DCHS2: variants seen among roughly 807,000 people sequenced by gnomAD.
DCHS2 encodes dachsous cadherin-related 2.
Under a neutral mutation model 182.4 loss-of-function variants are expected in DCHS2, and 142 were observed. The observed-to-expected ratio is 0.78, with a 90% CI of 0.68 to 0.89. The LOEUF (loss-of-function observed/expected upper bound fraction) is 0.89. Among genes scored for constraint, DCHS2 ranks in the 40% least tolerant of loss-of-function variants. The pLI, the probability that DCHS2 is intolerant of heterozygous loss-of-function variation, is 0.00. For synonymous variants in DCHS2, 1,740 were observed against 1,663.3 expected (o/e 1.05, Z -1.12); for missense variants, 4,319 against 4,198.6 (o/e 1.03, Z -0.79).
chr4:154,283,095 T>C (rs1021042999), intron 13 of DCHS2, among the ~76,000 whole-genome samples: 1 of 152,146 alleles, frequency 6.6e-6, no homozygotes, highest in African/African-American at 2.4e-5. Context: ...AGATCTGTTG[T>C]GTAACAATGT....
rs532531712 is a variant in DCHS2 at position 154,491,120 on chromosome 4, G to C, written c.236C>G (p.Pro79Arg). Residue 79 changes from proline to arginine, a missense_variant, in exon 1 of 20, where the codon CCG becomes CGG. Physicochemically the swap from Pro to Arg is moderately radical, Grantham distance 103. Coordinates refer to ENST00000357232, the MANE Select transcript of DCHS2 (RefSeq NM_001358235.2). Reference sequence around the variant, plus strand: ...GCGGATGTCACCTACCAGCGTGTCCGGGGGAAGCCCCTCATCTACGGAAAG... The same window carrying C: ...GCGGATGTCACCTACCAGCGTGTCCCGGGGAAGCCCCTCATCTACGGAAAG... ...LTLSVDEGLP[P>R]DTLVGDIRAG... 4.7e-5 allele frequency: 73 copies of C among 1,551,470 alleles called. No individual in the cohort carries two copies. The Admixed American group carries it at 1.3e-3, about 28-fold the overall frequency.
Position 154,333,511 on chromosome 4 carries a change from G to A in DCHS2, c.2714-17C>T. On this transcript the variant is annotated splice_polypyrimidine_tract_variant and intron_variant, in intron 4 of 19. Coordinates refer to ENST00000357232, the MANE Select transcript of DCHS2 (RefSeq NM_001358235.2). ...CTGAGGAGTCTGAAAAAGAGAGAGG[G>A]GACAACCACTGTATGTCAAAAGGGT... is the stretch of plus-strand genomic sequence containing the variant. The A allele has an allele frequency of 6.3e-7, 1 of 1,592,766 alleles. No homozygotes were observed. Among genetic ancestry groups the A allele is most frequent in the East Asian group, 2.3e-5 (1 of 44,298 alleles).
At chr4:154,327,095 T>C (rs1316971641) in intron 7 of DCHS2, among the ~76,000 whole-genome samples, 3 of 152,300 alleles carry the variant, frequency 2.0e-5, no homozygotes, top group African/African-American at 7.2e-5. Context: ...ACAAGTTATA[T>C]TGGAATTTTT....
intron 5 of DCHS2, chr4:154,331,476 A>G: frequency 6.2e-6 from 8 of 1,287,264 alleles, no homozygotes; most frequent in Non-Finnish European, 8.5e-6. Context: ...GTGCCCTTGC[A>G]GCAGGAGTCT....
At chr4:154,273,193 G>A (rs1393281374) in intron 13 of DCHS2, among the ~76,000 whole-genome samples, 1 of 152,006 alleles carries the variant, frequency 6.6e-6, no homozygotes, top group Non-Finnish European at 1.5e-5. Flanking sequence ...TATGGAACCA[G>A]CCCAAATGCC....
Position 154,345,957 on chromosome 4 carries a change from T to C in DCHS2, c.2477-10853A>G, listed in dbSNP as rs1408639948. Among the ~76,000 whole-genome samples, 9 of 152,352 alleles carry C rather than the reference T, an allele frequency of 5.9e-5. No homozygotes were observed. In the East Asian group the frequency reaches 1.5e-3, roughly 26 times the overall value. ...CTGGAGGCTGGGAAGCCCAAGATCA[T>C]GGTGCCAGCAGAATCAGTGTCTGGA... is the stretch of plus-strand genomic sequence containing the variant. On this transcript the variant is annotated intron_variant, in intron 3 of 19. Coordinates refer to ENST00000357232, the MANE Select transcript of DCHS2 (RefSeq NM_001358235.2).
At chr4:154,329,860 T>C (rs1466589628) in intron 5 of DCHS2, 150 bp from the exon 6 acceptor site, 1 of 545,764 alleles carries the variant, frequency 1.8e-6, no homozygotes, top group Non-Finnish European at 2.9e-6. Flanking sequence ...TCTATGGTAC[T>C]GTTGAAAAAA....
intron 3 of DCHS2, chr4:154,355,531 C>G (rs1729821115): frequency 6.6e-6 from 1 of 152,138 alleles, no homozygotes; most frequent in Non-Finnish European, 1.5e-5. Flanking sequence ...GCTGCTCTGC[C>G]TATTTTATTC....
chr4:154,299,712 A>T (rs72956037), intron 12 of DCHS2, among the ~76,000 whole-genome samples: 332 of 152,328 alleles, frequency 2.2e-3, no homozygotes, highest in African/African-American at 7.2e-3. Context: ...TGTGGCTGAT[A>T]AAGTGATTCA....
At chr4:154,337,690 C>T (rs927061009) in intron 3 of DCHS2, among the ~76,000 whole-genome samples, 1 of 152,068 alleles carries the variant, frequency 6.6e-6, no homozygotes. Flanking sequence ...CTTCCCAGAA[C>T]AACTTCTTCA....
In DCHS2 at chr4:154,297,010, T is replaced by A. The variant is rs1490651; in HGVS notation, c.6463+841A>T. On this transcript the variant is annotated intron_variant, in intron 13 of 19. Coordinates refer to ENST00000357232, the MANE Select transcript of DCHS2 (RefSeq NM_001358235.2). ...AATTTGGGAATTTGAAAGCAAAAAA[T>A]GAACAAACGAGGAAAAATAATCTTC... Among the ~76,000 whole-genome samples the A allele has an allele frequency of 2.7e-3, 413 of 152,342 alleles. 1 individual carries two copies. Among genetic ancestry groups the A allele is most frequent in the African/African-American group, 9.0e-3 (373 of 41,568 alleles).
At chr4:154,384,238 G>C in intron 1 of DCHS2, 1 of 1,408,214 alleles carries the variant, frequency 7.1e-7, no homozygotes, top group Non-Finnish European at 9.5e-7. Context: ...TAATGATCGA[G>C]GCTTGATCTT....
intron 10 of DCHS2, among the ~76,000 whole-genome samples, chr4:154,312,649 T>C (rs1407543898): frequency 6.6e-6 from 1 of 152,216 alleles, no homozygotes; most frequent in Non-Finnish European, 1.5e-5. Flanking sequence ...CCTGAGTATA[T>C]GATACAGAGA....
At chr4:154,333,809 C>A (rs1728634900) in intron 4 of DCHS2, 1 of 341,904 alleles carries the variant, frequency 2.9e-6, no homozygotes, top group Non-Finnish European at 5.4e-6. Context: ...CCACACCATC[C>A]AGGTTCGTGT....
At position 154,298,808 on chromosome 4, in the gene DCHS2, A is replaced by G. The variant is rs554044820; in HGVS notation, c.5606-100T>C. The G allele has an allele frequency of 8.1e-5, 115 of 1,421,890 alleles. 1 individual carries two copies. In the African/African-American group the frequency reaches 1.3e-3, roughly 16 times the overall value. The allele number at this position is 1,421,890 out of a possible 1,614,324, so 88.1% of individuals were successfully genotyped here. On this transcript the variant is annotated intron_variant, in intron 12 of 19. Transcript: ENST00000357232. ...TCATTTATACATTCATTAAAAATATATTTATTCCCGATTATATTGTATCCT... is the reference window on the plus strand; with the variant it reads ...TCATTTATACATTCATTAAAAATATGTTTATTCCCGATTATATTGTATCCT...
Position 154,332,591 on chromosome 4 carries a change from G to A in DCHS2, c.3617C>T (p.Pro1206Leu). 1 of 1,614,146 alleles carries A rather than the reference G, an allele frequency of 6.2e-7. No homozygotes were observed. The highest frequency in any genetic ancestry group is 8.5e-7 in the Non-Finnish European group (1 of 1,180,034). Residue 1206 changes from proline to leucine, a missense_variant, in exon 5 of 20, where the codon CCC becomes CTC. Coordinates refer to ENST00000357232, the MANE Select transcript of DCHS2 (RefSeq NM_001358235.2). ...TGTAATTTTGCCTATTACCCCTTGGGGAACAGGGCTCTCTTCGACTTTCAA... is the reference window on the plus strand; with the variant it reads ...TGTAATTTTGCCTATTACCCCTTGGAGAACAGGGCTCTCTTCGACTTTCAA... ...LFLKVEESPV[P>L]QGVIGKITAI... is the part of the protein sequence containing the mutation.
intron 3 of DCHS2, among the ~76,000 whole-genome samples, chr4:154,340,211 C>CA (rs1728999993): frequency 6.6e-6 from 1 of 151,994 alleles, no homozygotes; most frequent in East Asian, 1.9e-4. Context: ...TCTAATTCTA[C>CA]AAAAAATTTC....
At chr4:154,257,868 G>T (rs1732770659) in intron 15 of DCHS2, among the ~76,000 whole-genome samples, 1 of 152,162 alleles carries the variant, frequency 6.6e-6, no homozygotes, top group South Asian at 2.1e-4. Context: ...TAATTTGAAG[G>T]GCTGGTGGGT....
rs1731321226 is a variant in DCHS2 at position 154,234,058 on chromosome 4, T to TATC, written c.*475_*477dup. ...ATATCAGATCCACCAACTATTGCTT[T>TATC]ATCTTAAAATGAAAGTTTATTCCTC... is the stretch of plus-strand genomic sequence containing the variant. On this transcript the variant is annotated 3_prime_UTR_variant, in exon 20 of 20. Coordinates refer to ENST00000357232, the MANE Select transcript of DCHS2 (RefSeq NM_001358235.2). The TATC allele has an allele frequency of 6.6e-6, 1 of 152,608 alleles. No homozygotes were observed. Among genetic ancestry groups the TATC allele is most frequent in the South Asian group, 2.1e-4 (1 of 4,844 alleles). 9.5% of individuals were successfully genotyped at this position (152,608 alleles called of 1,614,324 possible).
Sources: allele counts gnomAD v4.1 joint callset (sites outside exome capture counted in the v4.1 genomes callset), GRCh38; gene constraint gnomAD v4.1.1; transcripts MANE v1.5; gene names NCBI Gene and HGNC (gene_info 2026-07-23, HGNC 2026-07-21).